Variants in PCDH15 observed in about 807,000 individuals in gnomAD.
PCDH15 encodes the protein protocadherin related 15.
In PCDH15, 129 loss-of-function variants were observed where a neutral mutation model predicts 178.5. The ratio of observed to expected loss-of-function variants is 0.72; its 90% CI spans 0.63 to 0.84. PCDH15 has a LOEUF of 0.84. Ranked by LOEUF, PCDH15 falls within the 40% of genes least tolerant of loss-of-function variation. The pLI is 0.00. For synonymous variants in PCDH15, 800 were observed against 732.0 expected, an observed-to-expected ratio of 1.09 and a Z score of -1.50; for missense variants, 2,230 against 2,099.9, an observed-to-expected ratio of 1.06 and a Z score of -1.21.
intron 2 of PCDH15, among the ~76,000 whole-genome samples, chr10:55,084,119 A>T (rs999273492): frequency 6.6e-6 from 1 of 151,894 alleles, no homozygotes; most frequent in Non-Finnish European, 1.5e-5. Context: ...AGCCAAAGTC[A>T]TCCTGGGAAA....
intron 1 of PCDH15, among the ~76,000 whole-genome samples, chr10:54,776,187 G>T (rs552346835): frequency 2.0e-5 from 3 of 152,190 alleles, no homozygotes; most frequent in East Asian, 1.9e-4. Context: ...TAGACATTTA[G>T]GTTGATTCCA....
chr10:54,578,241 GC>G (rs1296405646), intron 2 of PCDH15, among the ~76,000 whole-genome samples: 25 of 152,000 alleles, frequency 1.6e-4, no homozygotes, highest in African/African-American at 6.0e-4. Flanking sequence ...AAGTTTGAGG[GC>G]CCCTAATCTT....
At chr10:54,843,249 G>C (rs144791736) in intron 3 of PCDH15, among the ~76,000 whole-genome samples, 22 of 151,956 alleles carry the variant, frequency 1.4e-4, no homozygotes, top group Non-Finnish European at 7.4e-5. Flanking sequence ...AAATTGGCAT[G>C]GAAAATAATT....
At chr10:55,117,170 GTC>G (rs1837647383) in intron 2 of PCDH15, among the ~76,000 whole-genome samples, 1 of 152,142 alleles carries the variant, frequency 6.6e-6, no homozygotes, top group Admixed American at 6.5e-5. Flanking sequence ...TGTCACAGGT[GTC>G]TTAGCCAAGA....
intron 17 of PCDH15, among the ~76,000 whole-genome samples, chr10:54,068,732 G>A (rs1409274470): frequency 6.6e-6 from 1 of 152,178 alleles, no homozygotes; most frequent in African/African-American, 2.4e-5. Context: ...ACAAAGCTGA[G>A]CTTCTGGAGT....
At chr10:53,986,428 T>G (rs1406716265) in intron 21 of PCDH15, among the ~76,000 whole-genome samples, 1 of 152,156 alleles carries the variant, frequency 6.6e-6, no homozygotes, top group Admixed American at 6.5e-5. Context: ...CTCAAAAAAA[T>G]TACTAATGTA....
At chr10:54,791,662 T>C (rs1951424156) in intron 1 of PCDH15, among the ~76,000 whole-genome samples, 1 of 151,954 alleles carries the variant, frequency 6.6e-6, no homozygotes, top group Non-Finnish European at 1.5e-5. Flanking sequence ...ATTTTAAAAA[T>C]CCTGAAGTCA....
intron 1 of PCDH15, among the ~76,000 whole-genome samples, chr10:54,767,151 T>TA (rs1336452365): frequency 6.6e-6 from 1 of 152,154 alleles, no homozygotes; most frequent in Non-Finnish European, 1.5e-5. Context: ...AATACGTAAC[T>TA]GTTTGGCTCA....
intron 21 of PCDH15, among the ~76,000 whole-genome samples, chr10:53,990,918 G>T (rs961467580): frequency 4.6e-5 from 7 of 152,020 alleles, no homozygotes; most frequent in Non-Finnish European, 1.0e-4. Flanking sequence ...GCCGTCTGGC[G>T]CCACCGGCCC....
At chr10:54,447,363 T>G (rs1410043934) in intron 3 of PCDH15, among the ~76,000 whole-genome samples, 4 of 151,662 alleles carry the variant, frequency 2.6e-5, no homozygotes, top group Non-Finnish European at 3.0e-5. Context: ...TGGAATTTTG[T>G]GTCTTTTGAC....
At chr10:55,401,322 T>A (rs981782923) in intron 2 of PCDH15, among the ~76,000 whole-genome samples, 2 of 150,862 alleles carry the variant, frequency 1.3e-5, no homozygotes, top group Middle Eastern at 3.4e-3. Flanking sequence ...GGTAAACCTA[T>A]ATTTACTCAG....
chr10:54,627,794 C>G (rs1399692652), intron 2 of PCDH15, among the ~76,000 whole-genome samples: 1 of 152,160 alleles, frequency 6.6e-6, no homozygotes, highest in Non-Finnish European at 1.5e-5. Flanking sequence ...TTGTTCAAGT[C>G]TCTTAGTGTG....
chr10:55,153,758 G>T (rs2132104441), intron 2 of PCDH15, among the ~76,000 whole-genome samples: 1 of 152,276 alleles, frequency 6.6e-6, no homozygotes, highest in East Asian at 1.9e-4. Flanking sequence ...ACCAGCACTG[G>T]TGCTTGAGGT....
chr10:54,701,050 G>A (rs548459186), intron 1 of PCDH15, among the ~76,000 whole-genome samples: 2 of 152,146 alleles, frequency 1.3e-5, no homozygotes, highest in Admixed American at 1.3e-4. Flanking sequence ...GAGATTAGGG[G>A]CCTATATTCA....
intron 15 of PCDH15, among the ~76,000 whole-genome samples, chr10:54,130,047 A>T (rs1488861725): frequency 6.6e-6 from 1 of 152,158 alleles, no homozygotes; most frequent in Non-Finnish European, 1.5e-5. Flanking sequence ...GAAATACTTG[A>T]ATATTTGAGT....
chr10:53,855,904 G>GTA (rs56290679), intron 28 of PCDH15, among the ~76,000 whole-genome samples: 6,782 of 109,592 alleles, frequency 0.062, 938 homozygotes, highest in African/African-American at 0.13. Flanking sequence ...AAGGTGATAT[G>GTA]TATATATATA....
intron 6 of PCDH15, among the ~76,000 whole-genome samples, chr10:54,344,915 A>AAAAAAAAAAAAC (rs1565027785): frequency 7.9e-6 from 1 of 126,662 alleles, no homozygotes; most frequent in Non-Finnish European, 1.6e-5. Context: ...AAAAAAAAAA[A>AAAAAAAAAAAAC]AAAAAAAAAA....
At chr10:54,393,931 T>C (rs1047626366) in intron 3 of PCDH15, among the ~76,000 whole-genome samples, 1 of 151,998 alleles carries the variant, frequency 6.6e-6, no homozygotes, top group African/African-American at 2.4e-5. Context: ...ATAAACCTCA[T>C]ATCACGTGGT....
intron 2 of PCDH15, among the ~76,000 whole-genome samples, chr10:55,521,096 C>G (rs940322346): frequency 1.3e-5 from 2 of 152,034 alleles, no homozygotes; most frequent in South Asian, 2.1e-4. Flanking sequence ...TAACCCCCAG[C>G]CCTTAGCAAC....
Sources: gnomAD v4.1 joint callset for allele counts (sites outside exome capture counted in the v4.1 genomes callset) on GRCh38, gnomAD v4.1.1 for gene constraint, MANE v1.5 for transcripts, NCBI Gene and HGNC (gene_info 2026-07-23, HGNC 2026-07-21) for gene names.